The following ACACA variants were observed in gnomAD, a reference collection of about 807,000 sequenced individuals.
ACACA encodes acetyl-CoA carboxylase 1.
Under a neutral mutation model 296.1 loss-of-function variants are expected in ACACA, and 103 were observed. The ratio of observed to expected loss-of-function variants is 0.35; its 90% CI spans 0.30 to 0.41. The LOEUF (loss-of-function observed/expected upper bound fraction) is 0.41, where lower values mean the gene tolerates loss of function less well. ACACA is among the 10% of genes least tolerant of loss of function. The pLI, the probability that ACACA is intolerant of heterozygous loss-of-function variation, is 1.00. For missense variants in ACACA, 1,554 were observed against 2,989.7 expected (o/e 0.52, Z 11.20); for synonymous variants, 953 against 1,038.6 (o/e 0.92, Z 1.58).
intron 36 of ACACA, among the ~76,000 whole-genome samples, 192 bp from the exon 37 acceptor site, chr17:37,192,497 T>C (rs1033256952): frequency 6.6e-6 from 1 of 152,188 alleles, no homozygotes; most frequent in Non-Finnish European, 1.5e-5. Flanking sequence ...ACCTATTATA[T>C]AGGTACTTTA....
intron 1 of ACACA, chr17:37,388,855 G>A: frequency 1.3e-6 from 2 of 1,580,606 alleles, no homozygotes; most frequent in South Asian, 2.3e-5. Context: ...TTCTGTTCCA[G>A]AGGCAGCTTG....
At chr17:37,288,248 T>C (rs2082883153) in intron 3 of ACACA, among the ~76,000 whole-genome samples, 1 of 152,214 alleles carries the variant, frequency 6.6e-6, no homozygotes, top group African/African-American at 2.4e-5. Flanking sequence ...ATTGCATGTA[T>C]TTTTAAATAA....
At chr17:37,280,443 G>A (rs1188859016) in intron 5 of ACACA, among the ~76,000 whole-genome samples, 4 of 152,154 alleles carry the variant, frequency 2.6e-5, no homozygotes, top group Non-Finnish European at 4.4e-5. Flanking sequence ...CTGGGTTCAA[G>A]TGATCCGCCT....
At chr17:37,088,899 G>T (rs760286596) in intron 55 of ACACA, 39 bp downstream of exon 55, 9 of 1,611,508 alleles carry the variant, frequency 5.6e-6, no homozygotes, top group Non-Finnish European at 5.9e-6. Flanking sequence ...AAAGAAATTA[G>T]CCCTCCTTCT....
At chr17:37,402,807 G>T (rs933558418) in intron 1 of ACACA, among the ~76,000 whole-genome samples, 1 of 152,036 alleles carries the variant, frequency 6.6e-6, no homozygotes, top group Admixed American at 6.5e-5. Context: ...TGAGTAGCTG[G>T]GACTACAGGC....
Position 37,292,233 on chromosome 17 carries a change from A to G in ACACA, c.339-7263T>C, listed in dbSNP as rs148170604. Among the ~76,000 whole-genome samples the G allele has an allele frequency of 5.9e-5, 9 of 152,328 alleles. No homozygotes were observed. In the East Asian group the frequency reaches 1.7e-3, roughly 29 times the overall value. ...AATATAGTTTCAACTTGCTAAGTAA[A>G]GCAGTAAGGGGCAAACACTAAACTT... On this transcript the variant is annotated intron_variant, in intron 3 of 55. Transcript: ENST00000616317.
chr17:37,186,269 G>A (rs1184723963), intron 39 of ACACA, among the ~76,000 whole-genome samples: 1 of 151,996 alleles, frequency 6.6e-6, no homozygotes, highest in African/African-American at 2.4e-5. Flanking sequence ...AATAATTTCT[G>A]ACCCATAGTC....
intron 25 of ACACA, among the ~76,000 whole-genome samples, chr17:37,233,976 G>C (rs2079986845): frequency 6.6e-6 from 1 of 152,166 alleles, no homozygotes; most frequent in Non-Finnish European, 1.5e-5. Context: ...AACCAGCTAG[G>C]CATATAACTG....
intron 3 of ACACA, among the ~76,000 whole-genome samples, chr17:37,302,905 T>A (rs1393450932): frequency 1.3e-5 from 2 of 152,230 alleles, no homozygotes; most frequent in Non-Finnish European, 2.9e-5. Context: ...TTTTAGTATA[T>A]TCACATAGTT....
At chr17:37,356,876 G>T (rs895023718) in intron 1 of ACACA, among the ~76,000 whole-genome samples, 3 of 152,194 alleles carry the variant, frequency 2.0e-5, no homozygotes, top group African/African-American at 7.2e-5. Flanking sequence ...AGGAAAAAAA[G>T]ATTTTAAAGA....
intron 20 of ACACA, 79 bp downstream of exon 20, chr17:37,245,001 C>A: frequency 1.3e-6 from 2 of 1,592,966 alleles, no homozygotes; most frequent in Middle Eastern, 3.3e-4. Context: ...GCAAACCAAG[C>A]ATTGAAATCA....
At chr17:37,089,862 C>CTT (rs1400101613) in intron 54 of ACACA, among the ~76,000 whole-genome samples, 1 of 152,184 alleles carries the variant, frequency 6.6e-6, no homozygotes, top group Non-Finnish European at 1.5e-5. Flanking sequence ...CTCTCATTTT[C>CTT]TTTACAAATC....
chr17:37,335,849 G>C (rs1490446377), intron 2 of ACACA, among the ~76,000 whole-genome samples: 1 of 152,126 alleles, frequency 6.6e-6, no homozygotes, highest in Non-Finnish European at 1.5e-5. Flanking sequence ...GCGGAAAGCG[G>C]GGGAACCTTT....
chr17:37,211,650 A>C (rs1049553611), intron 29 of ACACA, among the ~76,000 whole-genome samples: 2 of 152,202 alleles, frequency 1.3e-5, no homozygotes, highest in Non-Finnish European at 2.9e-5. Context: ...TGTGGAAAGG[A>C]AGATAGAGGG....
chr17:37,254,380 G>A (rs1217199072), intron 14 of ACACA, among the ~76,000 whole-genome samples: 2 of 152,100 alleles, frequency 1.3e-5, no homozygotes, highest in Non-Finnish European at 2.9e-5. Flanking sequence ...GCCCACCTCT[G>A]TCCTCCTTTC....
chr17:37,396,758 G>C (rs2051095255), intron 1 of ACACA, among the ~76,000 whole-genome samples: 1 of 152,088 alleles, frequency 6.6e-6, no homozygotes, highest in Non-Finnish European at 1.5e-5. Context: ...GACAGGTTGA[G>C]AGTCCTATGA....
rs79175031 is a variant in ACACA at position 37,149,198 on chromosome 17, G to A, written c.5679+666C>T. Among the ~76,000 whole-genome samples, 1,302 of 152,238 alleles carry A rather than the reference G, an allele frequency of 8.6e-3. 18 individuals are homozygous for A. Among genetic ancestry groups the A allele is most frequent in the African/African-American group, 0.03 (1,243 of 41,544 alleles). Reference sequence around the variant, plus strand: ...CTAAAAAGGCACAAATCTTTCTTTGGAAGGGAAGATAAATCTTTATGCATA... The same window carrying A: ...CTAAAAAGGCACAAATCTTTCTTTGAAAGGGAAGATAAATCTTTATGCATA... On this transcript the variant is annotated intron_variant, in intron 45 of 55. Coordinates refer to ENST00000616317, the MANE Select transcript of ACACA (RefSeq NM_198834.3).
chr17:37,328,804 T>C, intron 3 of ACACA: 1 of 398,384 alleles, frequency 2.5e-6, no homozygotes, highest in Non-Finnish European at 4.4e-6. Context: ...ACCTATAATC[T>C]GAATGCTGGC....
At chr17:37,372,399 C>T (rs1395697177) in intron 1 of ACACA, among the ~76,000 whole-genome samples, 2 of 137,478 alleles carry the variant, frequency 1.5e-5, no homozygotes, top group African/African-American at 2.9e-5. Flanking sequence ...GGCGACAGAG[C>T]GAGACTCTGT....
Sources: gnomAD v4.1 joint callset for allele counts (sites outside exome capture counted in the v4.1 genomes callset) on GRCh38, gnomAD v4.1.1 for gene constraint, MANE v1.5 for transcripts, NCBI Gene and HGNC (gene_info 2026-07-23, HGNC 2026-07-21) for gene names.